The following ATP2C1 variants were observed in gnomAD, a reference collection of about 807,000 sequenced individuals.
ATP2C1 encodes calcium-transporting ATPase type 2C member 1.
Under a neutral mutation model 120.5 loss-of-function variants are expected in ATP2C1, and 31 were observed. That is an observed-to-expected ratio of 0.26 (90% confidence interval 0.19 to 0.35). ATP2C1 has a LOEUF of 0.35. Ranked by LOEUF, ATP2C1 falls within the 10% of genes least tolerant of loss-of-function variation. The pLI, the probability that ATP2C1 is intolerant of heterozygous loss-of-function variation, is 1.00. For synonymous variants in ATP2C1, 351 were observed against 358.7 expected (o/e 0.98, Z 0.24); for missense variants, 731 against 1,107.5 (o/e 0.66, Z 4.83).
At chr3:130,972,628 C>A (rs1708293) in intron 17 of ATP2C1, among the ~76,000 whole-genome samples, 1 of 117,206 alleles carries the variant, frequency 8.5e-6, no homozygotes, top group Non-Finnish European at 1.7e-5. Context: ...CCCCCTCCCC[C>A]CACCCCACAA....
intron 2 of ATP2C1, among the ~76,000 whole-genome samples, chr3:130,913,517 A>G (rs771088689): frequency 9.2e-5 from 14 of 152,258 alleles, no homozygotes; most frequent in Non-Finnish European, 2.1e-4. Context: ...TGTTGGCATC[A>G]GAAGACTGTA....
intron 1 of ATP2C1, among the ~76,000 whole-genome samples, chr3:130,887,709 A>G (rs146243119): frequency 1.7e-3 from 265 of 151,906 alleles, no homozygotes; most frequent in Non-Finnish European, 2.9e-3. Flanking sequence ...CCAGGCTTGG[A>G]CATACCCTTC....
chr3:130,931,905 C>G (rs892532319), intron 3 of ATP2C1, 117 bp from the exon 4 acceptor site: 16 of 711,298 alleles, frequency 2.2e-5, no homozygotes, highest in Non-Finnish European at 4.0e-5. Context: ...TCATAATAGA[C>G]TAGTTTTGAC....
At chr3:131,016,301 A>G (rs778539364) in exon 27 of ATP2C1, 2 of 1,614,166 alleles carry the variant, frequency 1.2e-6, no homozygotes, top group East Asian at 2.2e-5. Context: ...AACTCTGCAT[A>G]CAACATCTTA....
chr3:130,915,108 C>T (rs2058623317), intron 2 of ATP2C1, among the ~76,000 whole-genome samples: 2 of 151,496 alleles, frequency 1.3e-5, no homozygotes, highest in South Asian at 4.2e-4. Context: ...TTTTTCCCCC[C>T]CTTGAGACGA....
intron 7 of ATP2C1, 90 bp downstream of exon 7, chr3:130,940,781 G>C: frequency 1.0e-6 from 1 of 999,260 alleles, no homozygotes; most frequent in Non-Finnish European, 1.6e-6. Flanking sequence ...TCCCCACTTT[G>C]TCTGAACATA....
chr3:130,870,642 T>C (rs1197690626), intron 1 of ATP2C1, among the ~76,000 whole-genome samples: 1 of 152,228 alleles, frequency 6.6e-6, no homozygotes, highest in Admixed American at 6.5e-5. Context: ...TGCAATTTCA[T>C]GATAAACGTT....
chr3:130,918,519 A>G (rs1576707678), intron 2 of ATP2C1: 2 of 758,008 alleles, frequency 2.6e-6, no homozygotes, highest in Non-Finnish European at 4.9e-6. Context: ...GAGGCTGAAC[A>G]CTCTGGCTTG....
chr3:130,859,577 A>C (rs771870379), intron 1 of ATP2C1, among the ~76,000 whole-genome samples: 2 of 152,154 alleles, frequency 1.3e-5, no homozygotes, highest in Non-Finnish European at 2.9e-5. Context: ...TTTTACCTTC[A>C]GATTTTCTTC....
intron 24 of ATP2C1, among the ~76,000 whole-genome samples, chr3:130,997,299 C>T (rs2062669012): frequency 6.6e-6 from 1 of 152,106 alleles, no homozygotes; most frequent in Non-Finnish European, 1.5e-5. Flanking sequence ...TTTCAAAATT[C>T]AGTCGGTAGG....
chr3:130,911,989 C>G (rs1165837790), intron 2 of ATP2C1, among the ~76,000 whole-genome samples: 2 of 123,288 alleles, frequency 1.6e-5, no homozygotes, highest in Non-Finnish European at 3.3e-5. Context: ...CTGAGAAAAA[C>G]AAGCAATGGG....
intron 2 of ATP2C1, among the ~76,000 whole-genome samples, chr3:130,912,226 G>A: frequency 7.7e-6 from 1 of 129,458 alleles, no homozygotes; most frequent in African/African-American, 3.0e-5. Flanking sequence ...CAAAAGCAAT[G>A]GCAACAAAAG....
chr3:130,884,930 C>CTTTTTTTTTTTTTTT (rs35931105), intron 1 of ATP2C1, among the ~76,000 whole-genome samples: 7 of 120,854 alleles, frequency 5.8e-5, no homozygotes, highest in Non-Finnish European at 8.5e-5. Context: ...TCTTTTCTTT[C>CTTTTTTTTTTTTTTT]TTTTTTTTTT....
At chr3:130,989,641 C>G (rs2062218891) in intron 20 of ATP2C1, among the ~76,000 whole-genome samples, 1 of 150,854 alleles carries the variant, frequency 6.6e-6, no homozygotes, top group African/African-American at 2.4e-5. Context: ...CGAGCCCGTT[C>G]TACTCTATGG....
At chr3:130,889,638 C>CTTTTTTTTTTT (rs1170424148), upstream of ATP2C1, among the ~76,000 whole-genome samples, 1 of 77,650 alleles carries the variant, frequency 1.3e-5, no homozygotes, top group Non-Finnish European at 2.3e-5. Flanking sequence ...ATTCTTTAAA[C>CTTTTTTTTTTT]TTTTTTTTTT....
At chr3:130,975,279 G>T in intron 17 of ATP2C1, 53 bp from the exon 18 acceptor site, 1 of 1,576,322 alleles carries the variant, frequency 6.3e-7, no homozygotes, top group Non-Finnish European at 8.7e-7. Flanking sequence ...GACTCCAATG[G>T]CAGGTAAGTA....
At chr3:130,935,308 T>A (rs1191045964) in intron 5 of ATP2C1, among the ~76,000 whole-genome samples, 1 of 152,246 alleles carries the variant, frequency 6.6e-6, no homozygotes. Context: ...TGACTAGTTG[T>A]GAACTAAAGC....
chr3:130,992,812 A>G (rs1424073004), intron 20 of ATP2C1, 139 bp from the exon 21 acceptor site: 7 of 697,508 alleles, frequency 1.0e-5, no homozygotes, highest in East Asian at 2.8e-5. Context: ...AACATATGTC[A>G]TATTGCTTAA....
chr3:130,891,774 G>C (rs368575877), upstream of ATP2C1, among the ~76,000 whole-genome samples: 10 of 151,924 alleles, frequency 6.6e-5, no homozygotes, highest in African/African-American at 2.4e-4. Flanking sequence ...TGTATATGTG[G>C]GTGTATGAAT....
Sources: gnomAD v4.1 joint callset for allele counts (sites outside exome capture counted in the v4.1 genomes callset) on GRCh38, gnomAD v4.1.1 for gene constraint, MANE v1.5 for transcripts, NCBI Gene and HGNC (gene_info 2026-07-23, HGNC 2026-07-21) for gene names.